The following KCNIP4 variants were observed in gnomAD, a reference collection of about 807,000 sequenced individuals.
KCNIP4 encodes the protein Kv channel-interacting protein 4.
A neutral mutation model predicts 34.0 loss-of-function variants in KCNIP4; 12 were observed. The observed-to-expected ratio is 0.35, with a 90% confidence interval of 0.23 to 0.57. The LOEUF is 0.57. Among genes scored for constraint, KCNIP4 ranks in the 20% least tolerant of loss-of-function variants. The probability of loss-of-function intolerance (pLI) is 0.83; values close to 1 mark genes in which losing one functional copy is unlikely to be tolerated. For synonymous variants in KCNIP4, 124 were observed against 102.2 expected (o/e 1.21, Z -1.29); for missense variants, 238 against 311.7 (o/e 0.76, Z 1.78).
chr4:21,570,408 G>T (rs4146844), intron 1 of KCNIP4, among the ~76,000 whole-genome samples: 9,883 of 152,206 alleles, frequency 0.065, 377 homozygotes, highest in Non-Finnish European at 0.089. Flanking sequence ...ATTCCCTGAT[G>T]TAGGTCAGAA....
At chr4:21,454,724 G>T (rs973024176) in intron 1 of KCNIP4, among the ~76,000 whole-genome samples, 3 of 152,046 alleles carry the variant, frequency 2.0e-5, no homozygotes. Flanking sequence ...ATTCAAGGTT[G>T]ACAGCTTTAG....
chr4:20,730,046 A>T lies in KCNIP4; in HGVS notation c.*36T>A, dbSNP rs1373342801. On this transcript the variant is annotated 3_prime_UTR_variant, in exon 9 of 9. Coordinates refer to ENST00000382152, the MANE Select transcript of KCNIP4 (RefSeq NM_025221.6). ...AACTTTAAGGGTGGTAGAATAGTTC[A>T]CATTTGTCTGTTGGATTCAGGATCT... 2 of 1,594,362 alleles carry T rather than the reference A, an allele frequency of 1.3e-6. No homozygotes were observed. The highest frequency in any genetic ancestry group is 8.5e-7 in the Non-Finnish European group (1 of 1,172,492).
intron 1 of KCNIP4, among the ~76,000 whole-genome samples, chr4:21,772,443 T>C (rs1248342418): frequency 1.3e-5 from 2 of 152,192 alleles, no homozygotes; most frequent in African/African-American, 4.8e-5. Flanking sequence ...CTTCATATAA[T>C]GAGTCAGGGA....
chr4:21,711,932 G>T (rs1396792031), intron 1 of KCNIP4, among the ~76,000 whole-genome samples: 1 of 152,072 alleles, frequency 6.6e-6, no homozygotes, highest in African/African-American at 2.4e-5. Context: ...GGCTGGGAAG[G>T]GTTAAGTAAC....
intron 3 of KCNIP4, among the ~76,000 whole-genome samples, chr4:20,841,265 A>G (rs983832108): frequency 1.3e-5 from 2 of 152,204 alleles, no homozygotes; most frequent in Non-Finnish European, 2.9e-5. Flanking sequence ...TTGTTCACAT[A>G]TATTTATTGA....
intron 1 of KCNIP4, among the ~76,000 whole-genome samples, chr4:21,015,624 T>C (rs1739445131): frequency 8.1e-6 from 1 of 123,494 alleles, no homozygotes; most frequent in African/African-American, 3.6e-5. Context: ...TAATATAGTA[T>C]ATTGTATTAA....
intron 1 of KCNIP4, among the ~76,000 whole-genome samples, chr4:21,792,007 A>T (rs1720319269): frequency 1.7e-5 from 1 of 58,156 alleles, no homozygotes. Flanking sequence ...TCTCAAAAAA[A>T]AAAAAAAAAA....
At chr4:21,432,079 T>G (rs1726510168) in intron 1 of KCNIP4, among the ~76,000 whole-genome samples, 1 of 112,974 alleles carries the variant, frequency 8.9e-6, no homozygotes, top group African/African-American at 3.2e-5. Context: ...ATTCAATGTG[T>G]GAAAATGGAA....
At chr4:21,715,395 G>T (rs926527813) in intron 1 of KCNIP4, among the ~76,000 whole-genome samples, 1 of 152,040 alleles carries the variant, frequency 6.6e-6, no homozygotes, top group African/African-American at 2.4e-5. Context: ...CTCCCAAAGT[G>T]CTAGGATTAC....
chr4:21,100,533 A>C (rs993585694), intron 1 of KCNIP4, among the ~76,000 whole-genome samples: 1 of 152,130 alleles, frequency 6.6e-6, no homozygotes, highest in Non-Finnish European at 1.5e-5. Context: ...AGCCTGGGTG[A>C]CAGAGTGAGA....
chr4:21,021,532 T>G (rs941763571), intron 1 of KCNIP4, among the ~76,000 whole-genome samples: 2 of 152,152 alleles, frequency 1.3e-5, no homozygotes, highest in South Asian at 4.1e-4. Flanking sequence ...TTTCTTTCTT[T>G]ATATTCTTAT....
chr4:21,763,513 T>C (rs561895829), intron 1 of KCNIP4, among the ~76,000 whole-genome samples: 20 of 152,286 alleles, frequency 1.3e-4, no homozygotes, highest in African/African-American at 4.6e-4. Flanking sequence ...AGAAAAGCCT[T>C]AGCTAGTATT....
At chr4:21,460,227 T>A (rs879638301) in intron 1 of KCNIP4, among the ~76,000 whole-genome samples, 1 of 151,954 alleles carries the variant, frequency 6.6e-6, no homozygotes, top group Non-Finnish European at 1.5e-5. Context: ...GCTTGCTCTA[T>A]CTTATCATTC....
chr4:21,077,061 G>T (rs1023416411), intron 1 of KCNIP4, among the ~76,000 whole-genome samples: 4 of 152,090 alleles, frequency 2.6e-5, no homozygotes, highest in African/African-American at 9.7e-5. Flanking sequence ...GGAGGTGGAG[G>T]TTGCAGTGAC....
intron 1 of KCNIP4, among the ~76,000 whole-genome samples, chr4:21,750,537 T>C (rs1014269086): frequency 1.3e-5 from 2 of 152,092 alleles, no homozygotes; most frequent in Non-Finnish European, 2.9e-5. Context: ...AACAAGTAAA[T>C]GAAACATGAA....
At position 21,515,711 on chromosome 4, in the gene KCNIP4, C is replaced by A. The variant is rs747675091; in HGVS notation, c.61+432860G>T. ...AGTCTCATAAATAGATTAATGTCAT[C>A]ATCACAGGACTGGTTCATTATCCCA... On this transcript the variant is annotated intron_variant, in intron 1 of 8. Transcript: ENST00000382152. 1.3e-5 allele frequency among the ~76,000 whole-genome samples: 2 copies of A among 152,144 alleles called. 1 individual carries two copies. The highest frequency in any genetic ancestry group is 4.8e-5 in the African/African-American group (2 of 41,452).
chr4:21,787,748 AT>A (rs1043541869), intron 1 of KCNIP4, among the ~76,000 whole-genome samples: 1 of 152,096 alleles, frequency 6.6e-6, no homozygotes, highest in Admixed American at 6.6e-5. Flanking sequence ...TAAAAACTAA[AT>A]TTTTTTAAAA....
chr4:21,644,086 A>C (rs1437332263), intron 1 of KCNIP4, among the ~76,000 whole-genome samples: 1 of 152,166 alleles, frequency 6.6e-6, no homozygotes. Context: ...TTTAAAAAAA[A>C]AATCAAACAA....
intron 1 of KCNIP4, among the ~76,000 whole-genome samples, chr4:21,921,542 T>C (rs1466376795): frequency 6.6e-6 from 1 of 152,170 alleles, no homozygotes; most frequent in Non-Finnish European, 1.5e-5. Context: ...CAAAACCGAA[T>C]TGGTTTTTCA....
Sources: allele counts gnomAD v4.1 joint callset (sites outside exome capture counted in the v4.1 genomes callset), GRCh38; gene constraint gnomAD v4.1.1; transcripts MANE v1.5; gene names NCBI Gene and HGNC (gene_info 2026-07-23, HGNC 2026-07-21).